TNRC6A: variants seen among roughly 807,000 people sequenced by gnomAD.
TNRC6A encodes the protein trinucleotide repeat containing adaptor 6A.
Under a neutral mutation model 221.2 loss-of-function variants are expected in TNRC6A, and 44 were observed. That is an observed-to-expected ratio of 0.20 (90% CI 0.16 to 0.26). The LOEUF (loss-of-function observed/expected upper bound fraction) is 0.26. TNRC6A is among the 10% of genes least tolerant of loss of function. The probability of loss-of-function intolerance (pLI) is 1.00; values close to 1 mark genes in which losing one functional copy is unlikely to be tolerated. For missense variants in TNRC6A, 2,199 were observed against 2,404.4 expected, an observed-to-expected ratio of 0.91 and a Z score of 1.79; for synonymous variants, 847 against 838.5, an observed-to-expected ratio of 1.01 and a Z score of -0.18.
chr16:24,672,618 T>C (rs1435914727), intron 2 of TNRC6A, among the ~76,000 whole-genome samples: 1 of 151,966 alleles, frequency 6.6e-6, no homozygotes, highest in East Asian at 1.9e-4. Context: ...ATTTTTGCTA[T>C]TTTTTGTAGA....
intron 2 of TNRC6A, among the ~76,000 whole-genome samples, chr16:24,738,359 A>G (rs553303433): frequency 1.1e-4 from 16 of 152,282 alleles, no homozygotes; most frequent in African/African-American, 3.8e-4. Context: ...GGTTTTTAGT[A>G]TATTCACAGA....
chr16:24,698,439 G>C (rs62027728), intron 2 of TNRC6A, among the ~76,000 whole-genome samples: 1 of 152,046 alleles, frequency 6.6e-6, no homozygotes, highest in Non-Finnish European at 1.5e-5. Flanking sequence ...CGGCACAGTA[G>C]CCAGGAAGAC....
At chr16:24,704,623 C>A (rs2142245484) in intron 2 of TNRC6A, among the ~76,000 whole-genome samples, 1 of 138,184 alleles carries the variant, frequency 7.2e-6, no homozygotes, top group African/African-American at 2.7e-5. Flanking sequence ...CAACATCACA[C>A]CACAGCACTC....
chr16:24,808,668 C>T (rs1212611927), intron 17 of TNRC6A, among the ~76,000 whole-genome samples: 1 of 152,180 alleles, frequency 6.6e-6, no homozygotes, highest in African/African-American at 2.4e-5. Flanking sequence ...ACCTTAACAT[C>T]ACATGGACTC....
intron 2 of TNRC6A, among the ~76,000 whole-genome samples, chr16:24,694,721 G>A (rs2055824396): frequency 6.7e-6 from 1 of 148,834 alleles, no homozygotes; most frequent in South Asian, 2.1e-4. Context: ...ATCACTTGAG[G>A]CCAGGAGCTC....
At chr16:24,806,851 G>C in intron 17 of TNRC6A, 67 bp downstream of exon 17, 1 of 1,424,074 alleles carries the variant, frequency 7.0e-7, no homozygotes, top group South Asian at 1.2e-5. Context: ...TCCTTCACAC[G>C]TACCCTTACA....
At chr16:24,713,449 C>CA (rs1054244436) in intron 2 of TNRC6A, among the ~76,000 whole-genome samples, 65 of 77,846 alleles carry the variant, frequency 8.3e-4, no homozygotes, top group African/African-American at 2.4e-3. Context: ...AACAAACAAA[C>CA]AAAAAAATAT....
At chr16:24,681,720 G>A (rs1454198546) in intron 2 of TNRC6A, among the ~76,000 whole-genome samples, 2 of 152,202 alleles carry the variant, frequency 1.3e-5, no homozygotes, top group Admixed American at 6.5e-5. Context: ...TATCCTTAGG[G>A]GCTAGAACAG....
At chr16:24,637,303 G>T (rs1901685855) in intron 1 of TNRC6A, among the ~76,000 whole-genome samples, 1 of 152,126 alleles carries the variant, frequency 6.6e-6, no homozygotes, top group South Asian at 2.1e-4. Context: ...AAAGTGCTGG[G>T]ATTACAAGCG....
At chr16:24,784,402 C>T (rs2057922087) in intron 5 of TNRC6A, among the ~76,000 whole-genome samples, 3 of 152,226 alleles carry the variant, frequency 2.0e-5, no homozygotes, top group Admixed American at 1.3e-4. Flanking sequence ...CAACTCACTA[C>T]AGCCTCAACC....
At chr16:24,799,365 C>T (rs192437899) in intron 11 of TNRC6A, among the ~76,000 whole-genome samples, 2 of 152,278 alleles carry the variant, frequency 1.3e-5, no homozygotes, top group East Asian at 1.9e-4. Context: ...CTCTTCTGCA[C>T]GCATTTGTCC....
At chr16:24,778,401 T>G in intron 5 of TNRC6A, 1 of 985,426 alleles carries the variant, frequency 1.0e-6, no homozygotes, top group Non-Finnish European at 1.2e-6. Flanking sequence ...AAAGATATGC[T>G]TGTAACCACC....
intron 4 of TNRC6A, among the ~76,000 whole-genome samples, chr16:24,765,068 G>A (rs2151570971): frequency 6.6e-6 from 1 of 152,268 alleles, no homozygotes; most frequent in Admixed American, 6.5e-5. Flanking sequence ...TGAAATCTTG[G>A]AAAAGGAGGG....
intron 18 of TNRC6A, among the ~76,000 whole-genome samples, chr16:24,811,739 A>G (rs1373369751): frequency 6.6e-6 from 1 of 151,974 alleles, no homozygotes; most frequent in Non-Finnish European, 1.5e-5. Context: ...GGAGCTGTGG[A>G]GGAAGTGGAA....
At chr16:24,613,632 A>T (rs1900192970) in intron 1 of TNRC6A, among the ~76,000 whole-genome samples, 1 of 151,768 alleles carries the variant, frequency 6.6e-6, no homozygotes, top group African/African-American at 2.4e-5. Flanking sequence ...GGTTCAAGCA[A>T]TTCTCCCACC....
rs114385809 is a variant in TNRC6A at position 24,670,136 on chromosome 16, G to C, written n.402+29127G>C. Among the ~76,000 whole-genome samples, 1,114 of 151,366 alleles carry C rather than the reference G, an allele frequency of 7.4e-3. 11 individuals carry two copies. The highest frequency in any genetic ancestry group is 0.026 in the African/African-American group (1,059 of 41,298). ...AGCTAATTTTTGTATTTTAAGAAGGGACGGGGTTTCACCGTGTTGCCCAGG... is the reference window on the plus strand; with the variant it reads ...AGCTAATTTTTGTATTTTAAGAAGGCACGGGGTTTCACCGTGTTGCCCAGG... On this transcript the variant is annotated intron_variant and non_coding_transcript_variant, in intron 2 of 2. Transcript: ENST00000566108.
chr16:24,769,435 CTG>C (rs909747150), intron 4 of TNRC6A, among the ~76,000 whole-genome samples: 7 of 141,802 alleles, frequency 4.9e-5, no homozygotes, highest in African/African-American at 1.8e-4. Context: ...TTCTTTAAAA[CTG>C]TGAAATAGAT....
At chr16:24,815,038 C>CTA in intron 18 of TNRC6A, 109 bp from the exon 19 acceptor site, 8 of 1,258,134 alleles carry the variant, frequency 6.4e-6, no homozygotes, top group Non-Finnish European at 8.9e-6. Context: ...AGAACACAGC[C>CTA]TAGAGCCCAC....
Position 24,791,638 on chromosome 16 carries a change from T to C in TNRC6A, c.2996T>C (p.Met999Thr), listed in dbSNP as rs1365365084. The change falls in exon 6 of 25, where the codon ATG (methionine) becomes ACG (threonine). Residue 999 changes from methionine (M) to threonine (T), a missense_variant. Around this residue, in one of 8 missense-constraint regions of TNRC6A, gnomAD observed 1,405 missense variants for 1,400.2 expected, o/e 1.00. Transcript: ENST00000395799. ...EPSPESIRRKMEIDDGTSAWG... is the reference protein window; with the variant it reads ...EPSPESIRRKTEIDDGTSAWG... Reference sequence around the variant, plus strand: ...TCCCCAGAATCTATACGTCGCAAAATGGAGATTGATGATGGAACTTCAGCT... The same window carrying C: ...TCCCCAGAATCTATACGTCGCAAAACGGAGATTGATGATGGAACTTCAGCT... 2.5e-6 allele frequency: 4 copies of C among 1,611,178 alleles called. No homozygotes were observed. Among genetic ancestry groups the C allele is most frequent in the African/African-American group, 1.3e-5 (1 of 74,624 alleles).
Sources: allele counts gnomAD v4.1 joint callset (sites outside exome capture counted in the v4.1 genomes callset), GRCh38; gene constraint gnomAD v4.1.1; regional missense constraint gnomAD v4.1.1; transcripts MANE v1.5; gene names NCBI Gene and HGNC (gene_info 2026-07-23, HGNC 2026-07-21).